FAM13A: variants seen among roughly 807,000 people sequenced by gnomAD.
FAM13A encodes the protein protein FAM13A.
In FAM13A, 76 loss-of-function variants were observed where a neutral mutation model predicts 129.6. The ratio of observed to expected loss-of-function variants is 0.59; its 90% confidence interval spans 0.49 to 0.71. The LOEUF is 0.71. FAM13A is among the 30% of genes least tolerant of loss of function. The probability of loss-of-function intolerance (pLI) is 0.00; values close to 1 mark genes in which losing one functional copy is unlikely to be tolerated. For missense variants in FAM13A, 1,108 were observed against 1,249.3 expected, an observed-to-expected ratio of 0.89 and a Z score of 1.70; for synonymous variants, 443 against 449.9, an observed-to-expected ratio of 0.98 and a Z score of 0.20.
At chr4:88,887,413 G>C (rs1744600048) in intron 6 of FAM13A, among the ~76,000 whole-genome samples, 1 of 152,054 alleles carries the variant, frequency 6.6e-6, no homozygotes, top group Admixed American at 6.5e-5. Flanking sequence ...TTACTATTAA[G>C]TGACAGTTGC....
At chr4:88,873,598 T>G (rs918656646) in intron 6 of FAM13A, among the ~76,000 whole-genome samples, 1 of 152,162 alleles carries the variant, frequency 6.6e-6, no homozygotes, top group Admixed American at 6.5e-5. Context: ...CAGGAAGAAG[T>G]TGAATCGCTG....
At chr4:88,855,389 T>C (rs922269707) in intron 6 of FAM13A, 4 of 152,088 alleles carry the variant, frequency 2.6e-5, no homozygotes, top group South Asian at 2.1e-4. Flanking sequence ...AGAATGAAAA[T>C]GTAAGCATTC....
chr4:89,054,049 G>T (rs1350832305), intron 1 of FAM13A, among the ~76,000 whole-genome samples: 2 of 152,084 alleles, frequency 1.3e-5, no homozygotes, highest in East Asian at 1.9e-4. Flanking sequence ...AAATAAAATA[G>T]ATTTGTTACA....
At chr4:88,881,789 C>A (rs576971667) in intron 6 of FAM13A, among the ~76,000 whole-genome samples, 2 of 152,002 alleles carry the variant, frequency 1.3e-5, no homozygotes, top group African/African-American at 2.4e-5. Context: ...AAAAAACAAT[C>A]ACAACTTCTG....
At chr4:88,730,485 C>T (rs560472637) in intron 23 of FAM13A, among the ~76,000 whole-genome samples, 12 of 152,244 alleles carry the variant, frequency 7.9e-5, no homozygotes, top group East Asian at 1.9e-4. Flanking sequence ...CTTGGCCTCC[C>T]GGGTTCAAGT....
intron 8 of FAM13A, among the ~76,000 whole-genome samples, chr4:88,800,887 T>C (rs1025733171): frequency 2.6e-5 from 4 of 151,920 alleles, no homozygotes; most frequent in African/African-American, 9.7e-5. Context: ...TAAAACAGGG[T>C]TTTGAATAAA....
intron 3 of FAM13A, among the ~76,000 whole-genome samples, chr4:88,993,011 G>A (rs1033053848): frequency 4.6e-5 from 7 of 152,180 alleles, no homozygotes; most frequent in East Asian, 1.9e-4. Flanking sequence ...GCTACTGACA[G>A]GAAGTGAAAA....
intron 1 of FAM13A, among the ~76,000 whole-genome samples, chr4:89,038,180 T>C (rs1769642210): frequency 6.6e-6 from 1 of 152,236 alleles, no homozygotes; most frequent in East Asian, 1.9e-4. Flanking sequence ...CTGTTTAACT[T>C]AATATAAAAT....
At chr4:88,921,410 G>C (rs1034292620) in intron 5 of FAM13A, among the ~76,000 whole-genome samples, 1 of 152,170 alleles carries the variant, frequency 6.6e-6, no homozygotes, top group African/African-American at 2.4e-5. Context: ...CATTCTTAAA[G>C]AAAAGAATTT....
chr4:89,035,086 A>T (rs72665882), intron 1 of FAM13A, among the ~76,000 whole-genome samples: 21,731 of 152,216 alleles, frequency 0.14, 1,725 homozygotes, highest in Non-Finnish European at 0.18. Context: ...ACATGGATGC[A>T]GCTGGAGGCC....
chr4:88,879,766 G>A (rs1426192898), intron 6 of FAM13A, among the ~76,000 whole-genome samples: 1 of 152,158 alleles, frequency 6.6e-6, no homozygotes, highest in Non-Finnish European at 1.5e-5. Flanking sequence ...TTTGCGAGGG[G>A]CTGCTCTGTC....
At chr4:88,731,821 A>G (rs977788602) in intron 22 of FAM13A, 181 bp downstream of exon 22, 1 of 555,042 alleles carries the variant, frequency 1.8e-6, no homozygotes, top group Non-Finnish European at 3.1e-6. Context: ...GTTCCCTCAA[A>G]TAACATGGGC....
chr4:88,803,650 A>G (rs185363408), intron 8 of FAM13A, among the ~76,000 whole-genome samples: 1 of 152,278 alleles, frequency 6.6e-6, no homozygotes, highest in East Asian at 1.9e-4. Flanking sequence ...GAGATACCCT[A>G]TGAACCAGAG....
intron 3 of FAM13A, among the ~76,000 whole-genome samples, chr4:88,992,669 A>G (rs1456968415): frequency 6.6e-6 from 1 of 152,244 alleles, no homozygotes; most frequent in Non-Finnish European, 1.5e-5. Flanking sequence ...ATAGGCATAC[A>G]TATGAGAAGT....
intron 21 of FAM13A, among the ~76,000 whole-genome samples, chr4:88,733,066 C>T (rs933140498): frequency 1.3e-5 from 2 of 151,946 alleles, no homozygotes; most frequent in African/African-American, 4.8e-5. Flanking sequence ...AAAATTGGTT[C>T]GGAATACAGC....
chr4:89,004,348 AG>A (rs554274453), intron 3 of FAM13A, among the ~76,000 whole-genome samples: 123 of 152,254 alleles, frequency 8.1e-4, no homozygotes, highest in Non-Finnish European at 1.5e-3. Flanking sequence ...CATGTCAGCC[AG>A]GCTGGTCTCA....
chr4:88,739,786 C>CAAAAAAAAAA (rs34007551), intron 19 of FAM13A, among the ~76,000 whole-genome samples: 1 of 67,930 alleles, frequency 1.5e-5, no homozygotes, highest in African/African-American at 5.7e-5. Flanking sequence ...GACTCTGTCT[C>CAAAAAAAAAA]AAAAAAAAAA....
At chr4:88,738,251 T>C (rs1363021681) in intron 20 of FAM13A, among the ~76,000 whole-genome samples, 1 of 152,112 alleles carries the variant, frequency 6.6e-6, no homozygotes, top group Non-Finnish European at 1.5e-5. Flanking sequence ...CAAAGTGAGT[T>C]TGTGTCTGCT....
chr4:88,790,534 G>A (rs1229828270), intron 9 of FAM13A, 52 bp downstream of exon 9: 4 of 1,415,982 alleles, frequency 2.8e-6, no homozygotes, highest in Non-Finnish European at 3.9e-6. Context: ...AGTGGGACAG[G>A]GCATTAAAAA....
Sources: allele counts gnomAD v4.1 joint callset (sites outside exome capture counted in the v4.1 genomes callset), GRCh38; gene constraint gnomAD v4.1.1; transcripts MANE v1.5; gene names NCBI Gene and HGNC (gene_info 2026-07-23, HGNC 2026-07-21).